The following KLHL13 variants were observed in gnomAD, a reference collection of about 807,000 sequenced individuals.
KLHL13 encodes the protein kelch like family member 13, also known as kelch-like protein 13.
A neutral mutation model predicts 37.1 loss-of-function variants in KLHL13; 10 were observed. That is an observed-to-expected ratio of 0.27 (90% confidence interval 0.17 to 0.46). The LOEUF (loss-of-function observed/expected upper bound fraction) is 0.46, where lower values mean the gene tolerates loss of function less well. Ranked by LOEUF, KLHL13 falls within the 20% of genes least tolerant of loss-of-function variation. KLHL13 has a pLI of 1.00. For missense variants in KLHL13, 360 were observed against 509.3 expected (o/e 0.71, Z 2.82); for synonymous variants, 163 against 181.2 (o/e 0.90, Z 0.81).
intron 1 of KLHL13, among the ~76,000 whole-genome samples, chrX:118,096,849 G>T (rs1187522107): frequency 1.1e-4 from 12 of 111,663 alleles, no homozygotes; most frequent in African/African-American, 3.6e-4. Flanking sequence ...CTCAATAGAT[G>T]CAGAAAAGGC....
At chrX:118,007,370 CAAAAA>C (rs57382655) in intron 1 of KLHL13, among the ~76,000 whole-genome samples, 97 of 46,596 alleles carry the variant, frequency 2.1e-3, no homozygotes, top group African/African-American at 5.3e-3. Flanking sequence ...GAGACCCTGT[CAAAAA>C]AAAAAAAAAA....
intron 1 of KLHL13, among the ~76,000 whole-genome samples, chrX:118,031,302 G>A (rs933245684): frequency 2.7e-4 from 29 of 107,450 alleles, no homozygotes; most frequent in Non-Finnish European, 5.5e-4. Flanking sequence ...TGTTCTCTTT[G>A]TCTTATTGAG....
At chrX:117,899,768 T>C (rs937550051) in intron 6 of KLHL13, among the ~76,000 whole-genome samples, 2 of 112,120 alleles carry the variant, frequency 1.8e-5, no homozygotes, top group African/African-American at 6.5e-5. Context: ...TGCCTTTTAG[T>C]GGGTACCCTC....
chrX:118,084,172 G>A (rs757220588), intron 1 of KLHL13, among the ~76,000 whole-genome samples: 2 of 108,154 alleles, frequency 1.8e-5, no homozygotes, highest in Non-Finnish European at 3.9e-5. Flanking sequence ...AAAAAAAAAT[G>A]TTTAAAAACT....
At chrX:118,017,816 G>T (rs1380151209) in intron 1 of KLHL13, among the ~76,000 whole-genome samples, 1 of 111,312 alleles carries the variant, frequency 9.0e-6, no homozygotes, top group Non-Finnish European at 1.9e-5. Context: ...ACAGTGTTTG[G>T]CACTCTTTCT....
chrX:118,048,590 A>G (rs180934878), intron 1 of KLHL13, among the ~76,000 whole-genome samples: 67 of 112,142 alleles, frequency 6.0e-4, no homozygotes, highest in African/African-American at 2.1e-3. Flanking sequence ...ATTTTCTAAT[A>G]AAGAAGAAAC....
At chrX:118,007,646 A>G (rs1296232628) in intron 1 of KLHL13, among the ~76,000 whole-genome samples, 2 of 111,480 alleles carry the variant, frequency 1.8e-5, no homozygotes, top group African/African-American at 6.5e-5. Context: ...GCTCATATCT[A>G]TATCAGCTAT....
intron 1 of KLHL13, among the ~76,000 whole-genome samples, chrX:118,100,002 T>C (rs1230261467): frequency 9.0e-6 from 1 of 111,672 alleles, no homozygotes; most frequent in Non-Finnish European, 1.9e-5. Flanking sequence ...ATAACAAATC[T>C]TTCTCTGTGT....
intron 1 of KLHL13, among the ~76,000 whole-genome samples, chrX:117,954,476 A>T (rs1933802142): frequency 8.9e-6 from 1 of 112,281 alleles, no homozygotes; most frequent in Non-Finnish European, 1.9e-5. Flanking sequence ...TAAGGTATGT[A>T]AGAATCCATT....
Position 117,945,517 on chromosome X carries a change from C to T in KLHL13, c.157G>A (p.Gly53Ser), listed in dbSNP as rs367548020. 1.1e-4 allele frequency: 128 copies of T among 1,206,469 alleles called. No homozygotes were observed. Among genetic ancestry groups the T allele is most frequent in the Non-Finnish European group, 1.4e-4 (126 of 892,919 alleles). Residue 53 changes from glycine (G) to serine (S), a missense_variant, in exon 2 of 7, where the codon GGC (glycine) becomes AGC (serine). Physicochemically the swap from Gly to Ser is moderately conservative, Grantham distance 56. Coordinates refer to ENST00000262820, the Ensembl canonical transcript of KLHL13. Reference sequence around the variant, plus strand: ...GAAGACTGCAAATGGGATGAGAGGCCCATTTCGCTGCCTCCAAGGGACAAT... The same window carrying T: ...GAAGACTGCAAATGGGATGAGAGGCTCATTTCGCTGCCTCCAAGGGACAAT...
At chrX:118,097,808 G>C (rs1202269130) in intron 1 of KLHL13, among the ~76,000 whole-genome samples, 2 of 111,761 alleles carry the variant, frequency 1.8e-5, no homozygotes, top group African/African-American at 6.5e-5. Flanking sequence ...TGACAAACTG[G>C]AGGAAAACAA....
At chrX:118,076,402 G>A (rs1442155229) in intron 1 of KLHL13, among the ~76,000 whole-genome samples, 1 of 111,449 alleles carries the variant, frequency 9.0e-6, no homozygotes, top group Non-Finnish European at 1.9e-5. Context: ...GATCACTATA[G>A]TTTCTGAAGC....
chrX:118,048,692 A>G (rs1441507728), intron 1 of KLHL13, among the ~76,000 whole-genome samples: 1 of 111,703 alleles, frequency 9.0e-6, no homozygotes. Flanking sequence ...CATTTTTTTT[A>G]AAGAGCTTTC....
intron 1 of KLHL13, among the ~76,000 whole-genome samples, chrX:118,022,647 T>C (rs988198894): frequency 1.8e-5 from 2 of 112,360 alleles, no homozygotes; most frequent in Admixed American, 9.5e-5. Flanking sequence ...TTTTAAAATA[T>C]ATCTATTCAG....
At chrX:117,920,152 A>C in intron 3 of KLHL13, 86 bp downstream of exon 4, 1 of 1,019,864 alleles carries the variant, frequency 9.8e-7, no homozygotes, top group Non-Finnish European at 1.4e-6. Context: ...AAAAGAACCA[A>C]ATTTCATGTT....
chrX:117,947,028 G>A (rs376074224), intron 1 of KLHL13: 13 of 111,908 alleles, frequency 1.2e-4, no homozygotes, highest in African/African-American at 4.2e-4. Flanking sequence ...ATAAAGAAGA[G>A]AATAACTTAA....
chrX:118,060,628 G>C (rs1351502033), intron 1 of KLHL13, among the ~76,000 whole-genome samples: 11 of 110,855 alleles, frequency 9.9e-5, no homozygotes, highest in Non-Finnish European at 1.9e-4. Flanking sequence ...AAAAAAAACA[G>C]AGGCTTCTCA....
At chrX:118,052,134 T>C (rs1454449594) in intron 1 of KLHL13, among the ~76,000 whole-genome samples, 1 of 111,127 alleles carries the variant, frequency 9.0e-6, no homozygotes, top group Non-Finnish European at 1.9e-5. Flanking sequence ...TAGGGGAAAC[T>C]GGCTATGCTG....
chrX:118,048,016 T>A (rs1158874333), intron 1 of KLHL13, among the ~76,000 whole-genome samples: 1 of 111,194 alleles, frequency 9.0e-6, no homozygotes, highest in East Asian at 2.8e-4. Flanking sequence ...GAGAGGCAAC[T>A]GGAGACCTTG....
Sources: allele counts gnomAD v4.1 joint callset (sites outside exome capture counted in the v4.1 genomes callset), GRCh38; gene constraint gnomAD v4.1.1; transcripts MANE v1.5; gene names NCBI Gene and HGNC (gene_info 2026-07-23, HGNC 2026-07-21).